The following SCP2 variants were observed in gnomAD, a reference collection of about 807,000 sequenced individuals.
SCP2 encodes the protein sterol carrier protein 2.
In SCP2, 48 loss-of-function variants were observed where a neutral mutation model predicts 71.4. That is an observed-to-expected ratio of 0.67 (90% CI 0.53 to 0.86). SCP2 has a LOEUF of 0.86. Ranked by LOEUF, SCP2 falls within the 40% of genes least tolerant of loss-of-function variation. The pLI is 0.00. For missense variants in SCP2, 560 were observed against 655.6 expected, an observed-to-expected ratio of 0.85 and a Z score of 1.59; for synonymous variants, 220 against 218.1, an observed-to-expected ratio of 1.01 and a Z score of -0.08.
At chr1:52,929,207 T>G (rs1652890845) in intron 1 of SCP2, among the ~76,000 whole-genome samples, 1 of 151,260 alleles carries the variant, frequency 6.6e-6, no homozygotes, top group Admixed American at 6.6e-5. Context: ...CTTTTTTTTT[T>G]TTTTTTGGAA....
intron 12 of SCP2, among the ~76,000 whole-genome samples, chr1:53,026,381 G>A (rs1364802558): frequency 1.3e-5 from 2 of 152,154 alleles, no homozygotes; most frequent in Non-Finnish European, 2.9e-5. Context: ...GTTATTTTGT[G>A]TTTACTTCTT....
intron 6 of SCP2, among the ~76,000 whole-genome samples, chr1:52,964,250 G>A (rs1349727224): frequency 7.2e-6 from 1 of 138,836 alleles, no homozygotes; most frequent in Non-Finnish European, 1.5e-5. Context: ...GTCTCGCTCT[G>A]GAGTGCAGTG....
intron 6 of SCP2, among the ~76,000 whole-genome samples, chr1:52,964,051 T>A (rs924415681): frequency 6.6e-6 from 1 of 152,066 alleles, no homozygotes; most frequent in Admixed American, 6.5e-5. Flanking sequence ...ACCTATTTTG[T>A]GAAGGGGAAG....
intron 12 of SCP2, among the ~76,000 whole-genome samples, chr1:53,015,713 A>T (rs1243973375): frequency 1.3e-5 from 2 of 152,116 alleles, no homozygotes; most frequent in African/African-American, 4.8e-5. Context: ...ATACATGTTC[A>T]GGTCTTCCCT....
chr1:53,016,320 A>T (rs1224611994), intron 12 of SCP2, among the ~76,000 whole-genome samples: 3 of 152,138 alleles, frequency 2.0e-5, no homozygotes, highest in African/African-American at 7.2e-5. Context: ...GTTGCACTGT[A>T]TCCGGTTTTT....
chr1:52,947,061 GAA>G (rs769379121), intron 2 of SCP2, among the ~76,000 whole-genome samples: 1 of 76,956 alleles, frequency 1.3e-5, no homozygotes, highest in African/African-American at 4.5e-5. Flanking sequence ...ACTCTGTCTC[GAA>G]AAAAAAAAAA....
At chr1:52,956,619 T>C (rs1319154234) in intron 5 of SCP2, among the ~76,000 whole-genome samples, 1 of 152,160 alleles carries the variant, frequency 6.6e-6, no homozygotes, top group Non-Finnish European at 1.5e-5. Context: ...GAAAGCATCA[T>C]GAGCCTAGTC....
chr1:52,958,135 A>AT (rs924517539), intron 5 of SCP2, among the ~76,000 whole-genome samples: 12 of 149,852 alleles, frequency 8.0e-5, no homozygotes, highest in African/African-American at 9.8e-5. Flanking sequence ...ATTTGTCTGA[A>AT]TTTTTTTTTG....
intron 6 of SCP2, among the ~76,000 whole-genome samples, chr1:52,964,068 T>C (rs544678352): frequency 6.6e-6 from 1 of 152,218 alleles, no homozygotes; most frequent in African/African-American, 2.4e-5. Flanking sequence ...GAAGGAAAAC[T>C]GAATATTGTA....
intron 11 of SCP2, among the ~76,000 whole-genome samples, chr1:53,005,699 A>G (rs957155895): frequency 6.6e-6 from 1 of 152,242 alleles, no homozygotes; most frequent in Admixed American, 6.5e-5. Context: ...TGAAAATTCT[A>G]AAAATCAGAG....
chr1:53,020,460 GT>G (rs763524588), intron 12 of SCP2, among the ~76,000 whole-genome samples: 56 of 151,684 alleles, frequency 3.7e-4, no homozygotes, highest in Admixed American at 2.6e-3. Context: ...TTTTATCTTA[GT>G]TTAATTTAAT....
intron 11 of SCP2, among the ~76,000 whole-genome samples, chr1:52,992,771 G>T (rs1387032081): frequency 6.6e-6 from 1 of 152,096 alleles, no homozygotes; most frequent in African/African-American, 2.4e-5. Context: ...AATGTTTAAA[G>T]ATAGGCAAAA....
At chr1:52,942,704 T>G (rs563122023) in intron 2 of SCP2, among the ~76,000 whole-genome samples, 1 of 149,480 alleles carries the variant, frequency 6.7e-6, no homozygotes, top group East Asian at 2.0e-4. Flanking sequence ...GTTTTTTTTT[T>G]TTTTTTTTTT....
chr1:52,978,071 A>G (rs1015720484), intron 8 of SCP2, 146 bp from the exon 9 acceptor site: 3 of 743,174 alleles, frequency 4.0e-6, no homozygotes, highest in African/African-American at 1.7e-5. Context: ...AGCATGTGTG[A>G]TTTACAACTG....
At position 52,961,542 on chromosome 1, in the gene SCP2, C is replaced by G; in HGVS notation, c.436C>G (p.Leu146Val). 6.2e-7 allele frequency: 1 copy of G among 1,613,728 alleles called. No homozygotes were observed. ...CATTCCCACTGATAAGCATGTTGACCTCCTGATCAATAAGTATGGATTGTC... is the reference window on the plus strand; with the variant it reads ...CATTCCCACTGATAAGCATGTTGACGTCCTGATCAATAAGTATGGATTGTC... ...RTIPTDKHVD[L>V]LINKYGLSAH... is the part of the protein sequence containing the mutation. The change falls in exon 6 of 16, where the codon CTC becomes GTC. Residue 146 changes from leucine to valine, a missense_variant. Around this residue, in one of 3 missense-constraint regions of SCP2, gnomAD observed 513 missense variants for 573.1 expected, o/e 0.90. Transcript: ENST00000371514.
At chr1:52,994,304 C>G (rs114498258) in intron 11 of SCP2, 26 of 995,446 alleles carry the variant, frequency 2.6e-5, no homozygotes, top group Non-Finnish European at 3.1e-5. Flanking sequence ...AGCTTCCTTA[C>G]GCATATAGGA....
At chr1:52,961,388 A>T in intron 5 of SCP2, 115 bp from the exon 6 acceptor site, 1 of 1,080,666 alleles carries the variant, frequency 9.3e-7, no homozygotes. Context: ...TCACATTGAC[A>T]ATTTCTGGTG....
intron 7 of SCP2, 32 bp from the exon 8 acceptor site, chr1:52,976,651 C>T (rs369675750): frequency 1.8e-5 from 19 of 1,077,778 alleles, no homozygotes; most frequent in Non-Finnish European, 2.6e-5. Flanking sequence ...TGCTATCTCA[C>T]ATTCTGTAAC....
intron 5 of SCP2, among the ~76,000 whole-genome samples, chr1:52,959,819 A>G (rs1452794250): frequency 1.3e-5 from 2 of 150,934 alleles, no homozygotes; most frequent in African/African-American, 4.9e-5. Context: ...TTCCATGGTC[A>G]TCTTTTGTCA....
Sources: allele counts gnomAD v4.1 joint callset (sites outside exome capture counted in the v4.1 genomes callset), GRCh38; gene constraint gnomAD v4.1.1; regional missense constraint gnomAD v4.1.1; transcripts MANE v1.5; gene names NCBI Gene and HGNC (gene_info 2026-07-23, HGNC 2026-07-21).